Variants in CEP72 observed in about 807,000 individuals in gnomAD.
CEP72 encodes the protein centrosomal protein of 72 kDa.
A neutral mutation model predicts 65.7 loss-of-function variants in CEP72; 78 were observed. The observed-to-expected ratio is 1.19, with a 90% CI of 0.99 to 1.43. CEP72 has a LOEUF of 1.43. Among genes scored for constraint, CEP72 ranks in the 40% most tolerant of loss-of-function variants. The pLI, the probability that CEP72 is intolerant of heterozygous loss-of-function variation, is 0.00. For missense variants in CEP72, 914 were observed against 832.9 expected, an observed-to-expected ratio of 1.10 and a Z score of -1.20; for synonymous variants, 358 against 351.7, an observed-to-expected ratio of 1.02 and a Z score of -0.20.
chr5:614,594 C>G (rs1735875183), intron 1 of CEP72, among the ~76,000 whole-genome samples: 1 of 151,878 alleles, frequency 6.6e-6, no homozygotes, highest in Non-Finnish European at 1.5e-5. Context: ...AACTCCTGAC[C>G]TCATGATCCG....
chr5:642,560 AC>A, intron 9 of CEP72: 13 of 985,490 alleles, frequency 1.3e-5, no homozygotes, highest in Non-Finnish European at 1.6e-5. Flanking sequence ...TGTGCCGAGC[AC>A]CAGTGCTGCC....
rs1736642536 is a variant in CEP72, at chr5:624,838, G to C, written c.512+259G>C. Among the ~76,000 whole-genome samples, 1 of 152,174 alleles carries C rather than the reference G, an allele frequency of 6.6e-6. No homozygotes were observed. The highest frequency in any genetic ancestry group is 2.4e-5 in the African/African-American group (1 of 41,436). ...ATGTGTAAAATCAACTCAGCAAAGG[G>C]CTTGTCCTGTCCCTTTCCCGGGGCT... is the stretch of plus-strand genomic sequence containing the variant. On this transcript the variant is annotated intron_variant, in intron 4 of 11. Transcript: ENST00000264935. This position sits in a 1 kb window ranked among gnomAD's most constrained non-coding sequence, Gnocchi z 4.7.
chr5:613,203 G>A (rs1227952485), intron 1 of CEP72, among the ~76,000 whole-genome samples: 3 of 152,208 alleles, frequency 2.0e-5, no homozygotes, highest in Non-Finnish European at 4.4e-5. Flanking sequence ...GTTAATGTCT[G>A]TGTGTGGTCT....
chr5:649,619 G>T, intron 11 of CEP72, among the ~76,000 whole-genome samples: 1 of 112,614 alleles, frequency 8.9e-6, no homozygotes, highest in African/African-American at 3.3e-5. Context: ...GGACTGTGAG[G>T]CGTGGACTGT....
At chr5:617,148 A>G (rs1377281138) in intron 1 of CEP72, among the ~76,000 whole-genome samples, 1 of 152,034 alleles carries the variant, frequency 6.6e-6, no homozygotes, top group Non-Finnish European at 1.5e-5. Flanking sequence ...TGGGATGTGT[A>G]GTAAATAAGC....
chr5:626,081 AC>A (rs1736742575), intron 4 of CEP72, among the ~76,000 whole-genome samples: 3 of 152,080 alleles, frequency 2.0e-5, no homozygotes, highest in Non-Finnish European at 4.4e-5. Flanking sequence ...CACTCCTGAC[AC>A]CTGGAATCCT....
chr5:615,134 CTTTTTT>C (rs373343998), intron 1 of CEP72, among the ~76,000 whole-genome samples: 2 of 120,344 alleles, frequency 1.7e-5, no homozygotes, highest in African/African-American at 6.5e-5. Flanking sequence ...TAGTCTTCCT[CTTTTTT>C]TTTTTTTTTT....
chr5:665,471 A>C, intron 3 of CEP72: 1 of 666,574 alleles, frequency 1.5e-6, no homozygotes, highest in East Asian at 2.8e-5. Context: ...ACCCTGGGGC[A>C]GCCTTGGGCC....
downstream of CEP72, among the ~76,000 whole-genome samples, chr5:670,824 C>T (rs1250031649): frequency 1.3e-5 from 2 of 152,214 alleles, no homozygotes; most frequent in Non-Finnish European, 2.9e-5. Context: ...CCTCCAGGCC[C>T]TGCCTATTCT....
intron 10 of CEP72, among the ~76,000 whole-genome samples, chr5:647,388 T>G (rs899531030): frequency 6.6e-6 from 1 of 152,258 alleles, no homozygotes; most frequent in Non-Finnish European, 1.5e-5. Context: ...GAGGGCACTT[T>G]GGAGACCTGT....
At chr5:674,298 C>CGGGGCTGGGATCCACGAA in the CEP72 span, among the ~76,000 whole-genome samples, 18,144 of 152,118 alleles carry the variant, frequency 0.12, 3,045 homozygotes, top group African/African-American at 0.38. Flanking sequence ...CCCAGGAGCA[C>CGGGGCTGGGATCCACGAA]GGGGCTGGGT....
At position 612,353 on chromosome 5, in the gene CEP72, G is replaced by T; in HGVS notation, c.-9G>T. On this transcript the variant is annotated 5_prime_UTR_variant, in exon 1 of 12. Transcript: ENST00000264935. Reference sequence around the variant, plus strand: ...CGCGCAGGCGCCGTCCGAGGGCTCCGTTTGAAACATGGCGCGGGCTGGCCC... The same window carrying T: ...CGCGCAGGCGCCGTCCGAGGGCTCCTTTTGAAACATGGCGCGGGCTGGCCC... The T allele has an allele frequency of 6.7e-7, 1 of 1,488,280 alleles. No homozygotes were observed. Among genetic ancestry groups the T allele is most frequent in the East Asian group, 2.9e-5 (1 of 34,642 alleles). 92.2% of individuals were successfully genotyped at this position (1,488,280 alleles called of 1,614,324 possible).
At chr5:639,285 C>T (rs1737841930) in intron 8 of CEP72, 61 bp downstream of exon 8, 2 of 1,504,792 alleles carry the variant, frequency 1.3e-6, no homozygotes, top group Non-Finnish European at 1.8e-6. Context: ...TTCCGGGGTC[C>T]TCTGCGTGTG....
At chr5:627,981 G>C (rs965560930) in intron 4 of CEP72, among the ~76,000 whole-genome samples, 1 of 152,170 alleles carries the variant, frequency 6.6e-6, no homozygotes, top group African/African-American at 2.4e-5. Flanking sequence ...GGGTGCGCGC[G>C]GGCACGGAGC....
the CEP72 span, among the ~76,000 whole-genome samples, chr5:672,901 AAAAC>A: frequency 6.6e-6 from 1 of 152,272 alleles, no homozygotes; most frequent in Non-Finnish European, 1.5e-5. Context: ...TAGTAACATC[AAAAC>A]AAACAAGCGC....
downstream of CEP72, among the ~76,000 whole-genome samples, chr5:669,420 G>C (rs959216360): frequency 2.6e-5 from 4 of 152,166 alleles, no homozygotes; most frequent in African/African-American, 9.7e-5. Context: ...ACCCCAGGCA[G>C]CCCACAGTGC....
intron 6 of CEP72, among the ~76,000 whole-genome samples, chr5:636,350 G>GCA (rs1439601157): frequency 6.6e-6 from 1 of 152,184 alleles, no homozygotes; most frequent in African/African-American, 2.4e-5. Flanking sequence ...GTGTGTGTGT[G>GCA]CACACCCTCC....
chr5:650,029 G>A (rs1006261532), intron 11 of CEP72, among the ~76,000 whole-genome samples: 19 of 98,558 alleles, frequency 1.9e-4, no homozygotes, highest in East Asian at 8.6e-4. Context: ...TGACTGTGAG[G>A]TGTGACTGTG....
At chr5:641,444 A>G in intron 9 of CEP72, 1 of 985,438 alleles carries the variant, frequency 1.0e-6, no homozygotes, top group Non-Finnish European at 1.2e-6. Context: ...CTGCCTCTGA[A>G]CTTGTCTGAC....
Sources: allele counts gnomAD v4.1 joint callset (sites outside exome capture counted in the v4.1 genomes callset), GRCh38; gene constraint gnomAD v4.1.1; non-coding constraint Gnocchi (gnomAD v3.1); transcripts MANE v1.5; gene names NCBI Gene and HGNC (gene_info 2026-07-23, HGNC 2026-07-21).